Variants in LIMCH1 observed in about 807,000 individuals in gnomAD.
The protein encoded by LIMCH1 is LIM and calponin homology domains-containing protein 1.
In LIMCH1, 113 loss-of-function variants were observed where a neutral mutation model predicts 176.5. The ratio of observed to expected loss-of-function variants is 0.64; its 90% CI spans 0.55 to 0.75. The LOEUF (loss-of-function observed/expected upper bound fraction) is 0.75. Among genes scored for constraint, LIMCH1 ranks in the 30% least tolerant of loss-of-function variants. LIMCH1 has a pLI of 0.00. For synonymous variants in LIMCH1, 619 were observed against 645.9 expected (o/e 0.96, Z 0.63); for missense variants, 1,674 against 1,814.9 (o/e 0.92, Z 1.41).
chr4:41,592,719 A>C (rs950285603), intron 1 of LIMCH1, among the ~76,000 whole-genome samples: 1 of 152,198 alleles, frequency 6.6e-6, no homozygotes, highest in Non-Finnish European at 1.5e-5. Flanking sequence ...CCCCCACCTT[A>C]TGAGTTAGAA....
Position 41,632,967 on chromosome 4 carries a change from C to A in LIMCH1, c.1721-10C>A. ...TTTCCTAGGAGTGAAACTGTCCTCT[C>A]TGGCTTTAGTTACATCCAAACAGCT... On this transcript the variant is annotated splice_polypyrimidine_tract_variant and intron_variant, in intron 11 of 31. Transcript: ENST00000503057. 1.3e-6 allele frequency: 2 copies of A among 1,535,298 alleles called. No homozygotes were observed. The highest frequency in any genetic ancestry group is 1.7e-6 in the Non-Finnish European group (2 of 1,146,222).
chr4:41,545,422 G>A (rs1034545510), intron 1 of LIMCH1, among the ~76,000 whole-genome samples: 9 of 152,026 alleles, frequency 5.9e-5, no homozygotes, highest in South Asian at 2.1e-4. Context: ...TTTCCTGTTC[G>A]TCAGTACGAG....
rs147408540 is a variant in LIMCH1 at position 41,619,350 on chromosome 4, C to T, written c.368C>T (p.Ala123Val). 3.2e-5 allele frequency: 52 copies of T among 1,614,036 alleles called. No individual in the cohort carries two copies. The highest frequency in any genetic ancestry group is 5.5e-5 in the South Asian group (5 of 91,086). Reference protein sequence around the residue: ...NKSNQTAYVPAPLRKKKAERE... With the variant: ...NKSNQTAYVPVPLRKKKAERE... ...AGCAATCAGACGGCCTACGTCCCCG[C>T]GCCTCTGAGAAAGAAGAAAGCAGAG... is the stretch of plus-strand genomic sequence containing the variant. The change falls in exon 6 of 32, where the codon GCG becomes GTG. Residue 123 changes from alanine (A) to valine (V), a missense_variant. Ala to Val is a moderately conservative substitution (Grantham distance 64). Coordinates refer to ENST00000503057, the MANE Select transcript of LIMCH1 (RefSeq NM_001330672.2).
At chr4:41,525,817 T>G (rs1470059871) in intron 3 of LIMCH1, among the ~76,000 whole-genome samples, 4 of 152,104 alleles carry the variant, frequency 2.6e-5, no homozygotes, top group African/African-American at 4.8e-5. Context: ...AAAGCCAAGG[T>G]CTTAATGATC....
chr4:41,376,164 C>T (rs965007664), intron 1 of LIMCH1, among the ~76,000 whole-genome samples: 3 of 151,966 alleles, frequency 2.0e-5, no homozygotes, highest in Non-Finnish European at 2.9e-5. Flanking sequence ...GTTAATAGAA[C>T]GAAATGTACT....
chr4:41,400,870 T>C (rs986629010), intron 1 of LIMCH1, among the ~76,000 whole-genome samples: 6 of 152,210 alleles, frequency 3.9e-5, no homozygotes, highest in Non-Finnish European at 8.8e-5. Context: ...AGCCCGCTTT[T>C]TGTTTTATTA....
intron 3 of LIMCH1, among the ~76,000 whole-genome samples, chr4:41,529,396 C>T (rs1026323766): frequency 6.6e-6 from 1 of 152,176 alleles, no homozygotes; most frequent in Non-Finnish European, 1.5e-5. Context: ...GCGGATTCTG[C>T]CCCTGAGTGC....
intron 20 of LIMCH1, among the ~76,000 whole-genome samples, chr4:41,664,841 G>A (rs1048981309): frequency 1.3e-5 from 2 of 152,170 alleles, no homozygotes; most frequent in Non-Finnish European, 2.9e-5. Flanking sequence ...TCGTGTGTGT[G>A]TTTTTGTGCA....
Position 41,646,258 on chromosome 4 carries a change from T to C in LIMCH1, c.2389T>C (p.Tyr797His), listed in dbSNP as rs2152928196. 3 of 1,610,572 alleles carry C rather than the reference T, an allele frequency of 1.9e-6. No individual in the cohort carries two copies. The highest frequency in any genetic ancestry group is 2.5e-6 in the Non-Finnish European group (3 of 1,179,304). Reference protein sequence around the residue: ...TSERRKSIKTYREIVQEKERR... With the variant: ...TSERRKSIKTHREIVQEKERR... Reference sequence around the variant, plus strand: ...TGAACGAAGGAAAAGCATCAAAACCTACAGAGAAATTGTTCAAGAAAAGTG... The same window carrying C: ...TGAACGAAGGAAAAGCATCAAAACCCACAGAGAAATTGTTCAAGAAAAGTG... Residue 797 changes from tyrosine (Y) to histidine (H), a missense_variant, in exon 16 of 32, where the codon TAC becomes CAC. Physicochemically the swap from Tyr to His is moderately conservative, Grantham distance 83. This residue lies in a region of LIMCH1 where 1,015 missense variants were observed against 1,102.5 expected (regional missense o/e 0.92). Transcript: ENST00000503057.
chr4:41,393,642 T>C (rs1336163821), intron 1 of LIMCH1, among the ~76,000 whole-genome samples: 1 of 152,208 alleles, frequency 6.6e-6, no homozygotes, highest in Non-Finnish European at 1.5e-5. Context: ...GAATAGAGCA[T>C]TATAGTTTCA....
intron 21 of LIMCH1, chr4:41,671,057 TTAAA>T: frequency 2.4e-6 from 2 of 820,774 alleles, no homozygotes; most frequent in Non-Finnish European, 2.9e-6. Flanking sequence ...TCCCCTGCCT[TTAAA>T]AAAAAAAAAA....
At chr4:41,598,833 C>T (rs373020861) in intron 1 of LIMCH1, 87 bp from the exon 2 acceptor site, 2 of 724,540 alleles carry the variant, frequency 2.8e-6, no homozygotes, top group South Asian at 3.7e-5. Flanking sequence ...GCCTTAGTGA[C>T]CAGTATCCCT....
chr4:41,674,004 C>G (rs180840391), intron 22 of LIMCH1, among the ~76,000 whole-genome samples: 171 of 152,302 alleles, frequency 1.1e-3, no homozygotes, highest in African/African-American at 3.8e-3. Flanking sequence ...TAACCCCGCC[C>G]TGGCCCACAG....
chr4:41,503,885 G>C (rs1001754251), intron 2 of LIMCH1, among the ~76,000 whole-genome samples: 1 of 152,142 alleles, frequency 6.6e-6, no homozygotes, highest in African/African-American at 2.4e-5. Context: ...GGTTTGGGCT[G>C]ATGCTTCCAG....
intron 22 of LIMCH1, among the ~76,000 whole-genome samples, chr4:41,672,494 T>C (rs901585590): frequency 6.6e-6 from 1 of 152,230 alleles, no homozygotes; most frequent in Non-Finnish European, 1.5e-5. Flanking sequence ...ACATAGTATA[T>C]TGTTGGCAGA....
upstream of LIMCH1, chr4:41,360,586 A>G (rs1042302385): frequency 8.4e-6 from 2 of 239,364 alleles, no homozygotes; most frequent in Non-Finnish European, 1.6e-5. This position sits in a 1 kb window ranked among gnomAD's most constrained non-coding sequence, Gnocchi z 4.5. Flanking sequence ...GGTGGGGAGG[A>G]GAAGAAGCTC....
intron 18 of LIMCH1, among the ~76,000 whole-genome samples, chr4:41,658,939 G>A (rs901826304): frequency 2.6e-5 from 4 of 152,072 alleles, no homozygotes; most frequent in African/African-American, 9.7e-5. Context: ...TGGGGAAGGG[G>A]AAGCTAAAAA....
intron 3 of LIMCH1, chr4:41,524,541 C>A: frequency 1.7e-6 from 2 of 1,186,798 alleles, no homozygotes; most frequent in Non-Finnish European, 1.3e-6. Context: ...GGGGTCATGA[C>A]AGCACCATTT....
chr4:41,490,569 CAT>C (rs1332406193), intron 1 of LIMCH1, among the ~76,000 whole-genome samples: 19 of 152,194 alleles, frequency 1.2e-4, no homozygotes, highest in African/African-American at 2.4e-4. Context: ...TGACACAGCA[CAT>C]GTTTCAGAGA....
Sources: allele counts gnomAD v4.1 joint callset (sites outside exome capture counted in the v4.1 genomes callset), GRCh38; gene constraint gnomAD v4.1.1; regional missense constraint gnomAD v4.1.1; non-coding constraint Gnocchi (gnomAD v3.1); transcripts MANE v1.5; gene names NCBI Gene and HGNC (gene_info 2026-07-23, HGNC 2026-07-21).